The following ZC3H13 variants were observed in gnomAD, a reference collection of about 807,000 sequenced individuals.
ZC3H13 encodes the protein zinc finger CCCH-type containing 13.
In ZC3H13, 64 loss-of-function variants were observed where a neutral mutation model predicts 204.1. The observed-to-expected ratio is 0.31, with a 90% CI of 0.26 to 0.39. ZC3H13 has a LOEUF of 0.39. Among genes scored for constraint, ZC3H13 ranks in the 10% least tolerant of loss-of-function variants. ZC3H13 has a pLI of 1.00. For synonymous variants in ZC3H13, 667 were observed against 693.7 expected (o/e 0.96, Z 0.60); for missense variants, 1,833 against 2,082.7 (o/e 0.88, Z 2.33).
intron 4 of ZC3H13, among the ~76,000 whole-genome samples, chr13:46,029,091 A>C (rs909668319): frequency 1.8e-4 from 28 of 152,156 alleles, no homozygotes; most frequent in Non-Finnish European, 1.2e-4. Context: ...GAAGACATAA[A>C]TTATCAATAG....
chr13:45,992,112 A>C (rs920128686), intron 8 of ZC3H13, among the ~76,000 whole-genome samples: 61 of 152,316 alleles, frequency 4.0e-4, no homozygotes, highest in African/African-American at 1.4e-3. Context: ...CATTTTTAAA[A>C]CACAAAGGTA....
chr13:46,006,724 A>ATATATATATATATATATATATATATATG (rs1169223967), intron 7 of ZC3H13, among the ~76,000 whole-genome samples: 1 of 138,614 alleles, frequency 7.2e-6, no homozygotes, highest in African/African-American at 2.8e-5. Context: ...ATATATATAT[A>ATATATATATATATATATATATATATATG]TGAGATAGTA....
chr13:45,985,096 G>T (rs986528993), intron 10 of ZC3H13, among the ~76,000 whole-genome samples: 4 of 152,142 alleles, frequency 2.6e-5, no homozygotes, highest in African/African-American at 4.8e-5. Flanking sequence ...CTTAGGGGGG[G>T]TCTAGCTCAA....
intron 7 of ZC3H13, among the ~76,000 whole-genome samples, chr13:46,008,139 C>T (rs1379137042): frequency 1.3e-5 from 2 of 151,818 alleles, no homozygotes; most frequent in East Asian, 1.9e-4. Context: ...AATTTGTTTA[C>T]CTGATTATCA....
chr13:46,016,154 A>T (rs557303347), intron 5 of ZC3H13, among the ~76,000 whole-genome samples: 1 of 152,270 alleles, frequency 6.6e-6, no homozygotes, highest in Admixed American at 6.5e-5. Flanking sequence ...ACCATTTTTG[A>T]TCTGAAATTA....
chr13:45,999,311 A>G (rs2040575088), intron 8 of ZC3H13, among the ~76,000 whole-genome samples: 1 of 152,192 alleles, frequency 6.6e-6, no homozygotes, highest in South Asian at 2.1e-4. Flanking sequence ...GCACACACAT[A>G]CACAAAAAAC....
chr13:46,015,201 T>C (rs2041838342), intron 5 of ZC3H13, among the ~76,000 whole-genome samples: 1 of 152,144 alleles, frequency 6.6e-6, no homozygotes, highest in Non-Finnish European at 1.5e-5. Context: ...GCCAAACGAA[T>C]GGGTGAGTAA....
At chr13:46,003,960 G>T (rs1422715498) in intron 7 of ZC3H13, among the ~76,000 whole-genome samples, 2 of 152,022 alleles carry the variant, frequency 1.3e-5, no homozygotes, top group Non-Finnish European at 1.5e-5. Context: ...GACACCAAAG[G>T]CACAGGTAAC....
chr13:45,979,874 T>C lies in ZC3H13; in HGVS notation c.1851A>G (p.Ala617=). Residue 617 remains alanine, a synonymous_variant, in exon 11 of 19, where the codon GCA becomes GCG. Transcript: ENST00000679008. ...GTCTTCTCTCAAAGGAAGAATCCCT[T>C]GCTTGATCTCTGTTGTCTCTTTCAG... ...RYPERDNRDQ[A]RDSSFERRHG... is the part of the protein sequence containing the mutation. The C allele has an allele frequency of 6.2e-7, 1 of 1,609,026 alleles. No homozygotes were observed. Among genetic ancestry groups the C allele is most frequent in the Non-Finnish European group, 8.5e-7 (1 of 1,177,622 alleles).
intron 17 of ZC3H13, among the ~76,000 whole-genome samples, chr13:45,961,619 A>C (rs1475443494): frequency 6.6e-6 from 1 of 151,486 alleles, no homozygotes; most frequent in African/African-American, 2.4e-5. Flanking sequence ...ACAAAAAAAA[A>C]AAGAACGAAT....
At position 45,988,902 on chromosome 13, in the gene ZC3H13, C is replaced by T. The variant is rs34042976; in HGVS notation, c.1140G>A (p.Ser380=). 2.2e-4 allele frequency: 356 copies of T among 1,613,962 alleles called. 1 individual carries two copies. In the African/African-American group the frequency reaches 3.4e-3, roughly 15 times the overall value. The change falls in exon 9 of 19, where the codon TCG becomes TCA. Residue 380 remains serine (S), a synonymous_variant. Coordinates refer to ENST00000679008, the MANE Select transcript of ZC3H13 (RefSeq NM_001330564.2). The stretch of plus-strand genomic sequence containing the variant: ...GAGGACTCTGCTTTCTCTGGGGAGA[C>T]GACAAAGAATGTGAAGGATAAGGAG... The part of the protein sequence containing the change: ...SASPYPSHSL[S]SPQRKQSPPR...
chr13:46,029,470 C>T (rs2042744419), intron 4 of ZC3H13, among the ~76,000 whole-genome samples: 1 of 149,408 alleles, frequency 6.7e-6, no homozygotes, highest in Non-Finnish European at 1.5e-5. Flanking sequence ...GCTCTGTCGC[C>T]CAGGCTGGAG....
chr13:46,005,581 C>T (rs529564673), intron 7 of ZC3H13, among the ~76,000 whole-genome samples: 1 of 152,238 alleles, frequency 6.6e-6, no homozygotes, highest in African/African-American at 2.4e-5. Context: ...CCTCGACCCC[C>T]AGGGCTCCAG....
intron 11 of ZC3H13, chr13:45,976,080 TCCCCCCTC>T: frequency 2.5e-6 from 2 of 797,840 alleles, no homozygotes; most frequent in Non-Finnish European, 3.0e-6. Flanking sequence ...TCAACCCCCT[TCCCCCCTC>T]CCACTGATCA....
intron 5 of ZC3H13, among the ~76,000 whole-genome samples, chr13:46,013,576 A>C (rs1292493294): frequency 6.6e-6 from 1 of 152,238 alleles, no homozygotes; most frequent in Non-Finnish European, 1.5e-5. Context: ...GATGGACTAC[A>C]AGATAGGCAC....
At chr13:45,961,166 G>A (rs1391811101) in intron 17 of ZC3H13, among the ~76,000 whole-genome samples, 1 of 152,058 alleles carries the variant, frequency 6.6e-6, no homozygotes, top group African/African-American at 2.4e-5. Flanking sequence ...ACCAATGTTT[G>A]TACCAACCAA....
At chr13:46,017,611 T>C (rs1566295042) in intron 5 of ZC3H13, among the ~76,000 whole-genome samples, 1 of 152,150 alleles carries the variant, frequency 6.6e-6, no homozygotes, top group Non-Finnish European at 1.5e-5. Context: ...AGGTTCATAA[T>C]ATGGCAGTTA....
At chr13:45,994,069 G>A (rs566151991) in intron 8 of ZC3H13, among the ~76,000 whole-genome samples, 2 of 152,162 alleles carry the variant, frequency 1.3e-5, no homozygotes, top group South Asian at 2.1e-4. Flanking sequence ...CAAGAACAAC[G>A]CCTCCTTTTT....
chr13:45,981,124 G>C (rs972175334), intron 10 of ZC3H13, among the ~76,000 whole-genome samples: 2 of 152,184 alleles, frequency 1.3e-5, no homozygotes, highest in Non-Finnish European at 2.9e-5. Flanking sequence ...GTTAGGAGTA[G>C]AGAAACAGTA....
Sources: allele counts gnomAD v4.1 joint callset (sites outside exome capture counted in the v4.1 genomes callset), GRCh38; gene constraint gnomAD v4.1.1; transcripts MANE v1.5; gene names NCBI Gene and HGNC (gene_info 2026-07-23, HGNC 2026-07-21).